The following FGF14 variants were observed in gnomAD, a reference collection of about 807,000 sequenced individuals.
FGF14 encodes fibroblast growth factor 14, also known as fibroblast growth factor homologous factor 4.
Under a neutral mutation model 25.5 loss-of-function variants are expected in FGF14, and 5 were observed. The ratio of observed to expected loss-of-function variants is 0.20; its 90% confidence interval spans 0.10 to 0.41. FGF14 has a LOEUF of 0.41. FGF14 is among the 10% of genes least tolerant of loss of function. The pLI, the probability that FGF14 is intolerant of heterozygous loss-of-function variation, is 1.00. For synonymous variants in FGF14, 138 were observed against 118.3 expected, an observed-to-expected ratio of 1.17 and a Z score of -1.08; for missense variants, 222 against 320.1, an observed-to-expected ratio of 0.69 and a Z score of 2.34.
At chr13:102,388,434 C>T (rs2139215720) in intron 1 of FGF14, among the ~76,000 whole-genome samples, 1 of 152,330 alleles carries the variant, frequency 6.6e-6, no homozygotes, top group East Asian at 1.9e-4. Context: ...TCTCAACAAA[C>T]CATCTATGAC....
At position 102,324,339 on chromosome 13, in the gene FGF14, T is replaced by C. The variant is rs1359167952; in HGVS notation, c.208+77132A>G. Among the ~76,000 whole-genome samples the C allele has an allele frequency of 3.3e-5, 5 of 152,148 alleles. No individual in the cohort carries two copies. The East Asian group carries it at 9.6e-4, about 29-fold the overall frequency. Reference sequence around the variant, plus strand: ...TGGGTTCAAATTCTGTTTCTACCATTTACTAAGTATGTCCTTTGAGTCATT... The same window carrying C: ...TGGGTTCAAATTCTGTTTCTACCATCTACTAAGTATGTCCTTTGAGTCATT... On this transcript the variant is annotated intron_variant, in intron 1 of 4. Transcript: ENST00000376131.
intron 3 of FGF14, among the ~76,000 whole-genome samples, chr13:101,791,805 C>T (rs1024939849): frequency 3.3e-5 from 5 of 152,030 alleles, no homozygotes; most frequent in African/African-American, 1.2e-4. Flanking sequence ...AATTTGTGAG[C>T]ATTAAGGAAA....
At chr13:102,284,048 A>G (rs1019416885) in intron 1 of FGF14, among the ~76,000 whole-genome samples, 7 of 152,208 alleles carry the variant, frequency 4.6e-5, no homozygotes, top group African/African-American at 1.7e-4. Flanking sequence ...TCTGTGATTT[A>G]AAAAATAGTA....
At chr13:102,139,599 G>A (rs767017537) in intron 1 of FGF14, among the ~76,000 whole-genome samples, 1 of 152,222 alleles carries the variant, frequency 6.6e-6, no homozygotes, top group South Asian at 2.1e-4. Flanking sequence ...GCTGTGGAGG[G>A]GGGGATGGCA....
intron 1 of FGF14, among the ~76,000 whole-genome samples, chr13:101,989,101 A>G (rs146041232): frequency 9.2e-5 from 14 of 152,232 alleles, no homozygotes; most frequent in Admixed American, 8.5e-4. Flanking sequence ...ATTTAAAAAG[A>G]ATCTTTTAAT....
chr13:101,920,480 C>T (rs2033918036), upstream of FGF14, among the ~76,000 whole-genome samples: 1 of 152,144 alleles, frequency 6.6e-6, no homozygotes, highest in Non-Finnish European at 1.5e-5. Flanking sequence ...GCCTCCTTTT[C>T]AACTGCTGTG....
chr13:102,200,791 A>T (rs2049583271), intron 1 of FGF14, among the ~76,000 whole-genome samples: 1 of 152,094 alleles, frequency 6.6e-6, no homozygotes, highest in Admixed American at 6.6e-5. Flanking sequence ...CACCCTGACA[A>T]CTTGAAGATG....
chr13:102,025,749 T>C (rs2040890660), intron 1 of FGF14, among the ~76,000 whole-genome samples: 1 of 152,072 alleles, frequency 6.6e-6, no homozygotes. Flanking sequence ...TTAAGTGTTA[T>C]TCTTTTGATG....
At position 102,116,955 on chromosome 13, in the gene FGF14, G is replaced by A. The variant is rs555642626; in HGVS notation, c.209-241659C>T. On this transcript the variant is annotated intron_variant, in intron 1 of 4. Transcript: ENST00000376131. ...CAGCCCACTTGGGGTCATGGCCTTC[G>A]CTGCAGAATGCAGTCTACCCCTCAC... Among the ~76,000 whole-genome samples the A allele has an allele frequency of 6.6e-5, 10 of 152,228 alleles. No individual in the cohort carries two copies. The East Asian group carries it at 9.7e-4, about 15-fold the overall frequency.
intron 3 of FGF14, among the ~76,000 whole-genome samples, chr13:101,852,067 A>G (rs1332372126): frequency 6.6e-6 from 1 of 152,118 alleles, no homozygotes; most frequent in Non-Finnish European, 1.5e-5. Flanking sequence ...AGACTTTCCC[A>G]GTGGAAGATT....
At chr13:102,050,627 C>T (rs1158923071) in intron 1 of FGF14, among the ~76,000 whole-genome samples, 1 of 152,116 alleles carries the variant, frequency 6.6e-6, no homozygotes, top group Non-Finnish European at 1.5e-5. Flanking sequence ...CAAGATGTCA[C>T]CAAGATGATG....
chr13:102,177,377 A>G (rs1193878860), intron 1 of FGF14, among the ~76,000 whole-genome samples: 2 of 152,132 alleles, frequency 1.3e-5, no homozygotes, highest in Non-Finnish European at 2.9e-5. Context: ...TTTCAGCCCT[A>G]GTGTCCTTTA....
chr13:102,327,819 A>G (rs2056505360), intron 1 of FGF14, among the ~76,000 whole-genome samples: 1 of 151,864 alleles, frequency 6.6e-6, no homozygotes, highest in Non-Finnish European at 1.5e-5. Context: ...AATCTGACAG[A>G]GTGAGACCAT....
At chr13:102,216,748 C>T (rs2050389749) in intron 1 of FGF14, among the ~76,000 whole-genome samples, 1 of 131,532 alleles carries the variant, frequency 7.6e-6, no homozygotes, top group South Asian at 2.3e-4. Flanking sequence ...ACCACCAGAA[C>T]TTATTCCTCC....
intron 1 of FGF14, among the ~76,000 whole-genome samples, chr13:102,139,509 GATA>G (rs747376021): frequency 4.9e-4 from 75 of 152,260 alleles, no homozygotes; most frequent in Non-Finnish European, 8.7e-4. Flanking sequence ...ATTAGCTAAT[GATA>G]ATATTATTAT....
intron 1 of FGF14, among the ~76,000 whole-genome samples, chr13:102,041,985 T>G (rs1374234838): frequency 6.6e-6 from 1 of 152,176 alleles, no homozygotes; most frequent in Non-Finnish European, 1.5e-5. Flanking sequence ...AAAGTTCACT[T>G]AAAGGACTCA....
chr13:101,910,465 C>G (rs1238206279), intron 1 of FGF14, among the ~76,000 whole-genome samples: 2 of 152,046 alleles, frequency 1.3e-5, no homozygotes, highest in Non-Finnish European at 2.9e-5. Flanking sequence ...TGGCCCTTCC[C>G]TATGGTGATG....
chr13:101,723,844 C>G (rs1223158873), intron 4 of FGF14, among the ~76,000 whole-genome samples: 1 of 152,052 alleles, frequency 6.6e-6, no homozygotes, highest in African/African-American at 2.4e-5. Flanking sequence ...GGATTAAAGT[C>G]ATCTGCCATC....
Position 101,715,476 on chromosome 13 carries a change from A to C in FGF14, c.*7355T>G. 1.1e-6 allele frequency: 1 copy of C among 905,096 alleles called. No homozygotes were observed. Among genetic ancestry groups the C allele is most frequent in the South Asian group, 1.4e-5 (1 of 73,638 alleles). The allele number at this position is 905,096 out of a possible 1,614,324, so 56.1% of individuals were successfully genotyped here. A position where few individuals can be genotyped will look rare whatever the true frequency, so the allele number is the denominator to read the frequency against. On this transcript the variant is annotated 3_prime_UTR_variant, in exon 5 of 5. Coordinates refer to ENST00000376143, the MANE Select transcript of FGF14 (RefSeq NM_004115.4). ...TACCAAGGATGAATGAAATGATTTC[A>C]TTGTGGACACTTGTGATTTATAATA...
Sources: allele counts gnomAD v4.1 joint callset (sites outside exome capture counted in the v4.1 genomes callset), GRCh38; gene constraint gnomAD v4.1.1; transcripts MANE v1.5; gene names NCBI Gene and HGNC (gene_info 2026-07-23, HGNC 2026-07-21).